Variants in FREM2 observed in about 807,000 individuals in gnomAD.
FREM2 encodes the protein FRAS1-related extracellular matrix protein 2.
In FREM2, 119 loss-of-function variants were observed where a neutral mutation model predicts 219.9. That is an observed-to-expected ratio of 0.54 (90% CI 0.47 to 0.63). FREM2 has a LOEUF of 0.63. Among genes scored for constraint, FREM2 ranks in the 30% least tolerant of loss-of-function variants. The pLI, the probability that FREM2 is intolerant of heterozygous loss-of-function variation, is 0.00. For synonymous variants in FREM2, 1,562 were observed against 1,522.8 expected, an observed-to-expected ratio of 1.03 and a Z score of -0.60; for missense variants, 4,030 against 3,993.6, an observed-to-expected ratio of 1.01 and a Z score of -0.25.
chr13:38,796,793 A>G (rs1432093868), intron 6 of FREM2, among the ~76,000 whole-genome samples: 1 of 152,084 alleles, frequency 6.6e-6, no homozygotes, highest in Admixed American at 6.6e-5. Flanking sequence ...TAGTGCTAGG[A>G]TTGCTGGATA....
intron 6 of FREM2, among the ~76,000 whole-genome samples, chr13:38,840,633 TA>T (rs1876916184): frequency 6.9e-6 from 1 of 145,918 alleles, no homozygotes; most frequent in Non-Finnish European, 1.5e-5. Context: ...AAAATATATA[TA>T]TATATATATA....
intron 6 of FREM2, among the ~76,000 whole-genome samples, chr13:38,838,416 G>T (rs1001840987): frequency 6.6e-6 from 1 of 152,236 alleles, no homozygotes; most frequent in African/African-American, 2.4e-5. Context: ...TTCAACCTTG[G>T]TGAATCTGAA....
intron 6 of FREM2, among the ~76,000 whole-genome samples, chr13:38,834,349 C>T (rs1340317102): frequency 6.6e-6 from 1 of 152,144 alleles, no homozygotes; most frequent in Non-Finnish European, 1.5e-5. Flanking sequence ...GACATGAACT[C>T]ATCCTTTTTA....
At chr13:38,821,204 C>T (rs1425655314) in intron 6 of FREM2, among the ~76,000 whole-genome samples, 1 of 152,066 alleles carries the variant, frequency 6.6e-6, no homozygotes, top group Admixed American at 6.6e-5. Context: ...GGCCTTCATC[C>T]TGTCTGACTG....
At position 38,691,507 on chromosome 13, in the gene FREM2, A is replaced by T; in HGVS notation, c.4163A>T (p.Glu1388Val). Residue 1388 changes from glutamate to valine, a missense_variant, in exon 1 of 24, where the codon GAG (glutamate) becomes GTG (valine). Around this residue, in one of 2 missense-constraint regions of FREM2, gnomAD observed 3,102 missense variants for 2,950.7 expected, o/e 1.05. Transcript: ENST00000280481. ...ATTCAGTATGTCCATTTGGGGCAAG[A>T]GGGCATTCGGGACCTAATTAAATTT... ...NLIQYVHLGQ[E>V]GIRDLIKFDV... 6.2e-7 allele frequency: 1 copy of T among 1,614,162 alleles called. No individual in the cohort carries two copies. The highest frequency in any genetic ancestry group is 8.5e-7 in the Non-Finnish European group (1 of 1,180,008).
At chr13:38,744,793 G>T (rs936477631) in intron 2 of FREM2, among the ~76,000 whole-genome samples, 1 of 152,164 alleles carries the variant, frequency 6.6e-6, no homozygotes, top group African/African-American at 2.4e-5. Flanking sequence ...CGCCCAGCCA[G>T]CTCCAATTAT....
intron 14 of FREM2, among the ~76,000 whole-genome samples, chr13:38,860,050 A>AT (rs954349366): frequency 1.3e-5 from 2 of 152,032 alleles, no homozygotes; most frequent in Admixed American, 1.3e-4. Flanking sequence ...AATGCGGGAT[A>AT]TTGTGGGAAT....
chr13:38,729,626 T>C (rs1258340433), intron 2 of FREM2, among the ~76,000 whole-genome samples: 1 of 152,184 alleles, frequency 6.6e-6, no homozygotes, highest in Non-Finnish European at 1.5e-5. Flanking sequence ...AGACATGATA[T>C]TCGTTTGTGA....
rs1398179287 is a variant in FREM2, at chr13:38,687,132, C to G, written c.-213C>G. On this transcript the variant is annotated 5_prime_UTR_variant, in exon 1 of 24. Coordinates refer to ENST00000280481, the MANE Select transcript of FREM2 (RefSeq NM_207361.6). ...TTGAGGCGCTAGCGGCGGAGCTGGA[C>G]GGCCTGGGAAGGCTTCGGCTCCTCG... The G allele has an allele frequency of 1.6e-6, 1 of 620,398 alleles. No individual in the cohort carries two copies. The highest frequency in any genetic ancestry group is 2.8e-6 in the Non-Finnish European group (1 of 356,636). The allele number at this position is 620,398 out of a possible 1,614,324, so 38.4% of individuals were successfully genotyped here. A position where few individuals can be genotyped will look rare whatever the true frequency, so the allele number is the denominator to read the frequency against.
At chr13:38,773,601 TG>T (rs1259288423) in intron 4 of FREM2, among the ~76,000 whole-genome samples, 1 of 152,086 alleles carries the variant, frequency 6.6e-6, no homozygotes, top group African/African-American at 2.4e-5. Flanking sequence ...TTTGATTGGT[TG>T]TTTTTTTTGT....
intron 16 of FREM2, among the ~76,000 whole-genome samples, chr13:38,872,150 C>T (rs1009131985): frequency 6.6e-6 from 1 of 152,132 alleles, no homozygotes; most frequent in Non-Finnish European, 1.5e-5. Flanking sequence ...CGTGCTCAAA[C>T]ATGGATGCAC....
chr13:38,712,677 A>AAC (rs147799705), intron 2 of FREM2, among the ~76,000 whole-genome samples: 8,693 of 115,376 alleles, frequency 0.075, 679 homozygotes, highest in African/African-American at 0.22. Flanking sequence ...CACACACACA[A>AAC]ACACACACAC....
intron 2 of FREM2, among the ~76,000 whole-genome samples, chr13:38,703,707 T>C (rs1351690970): frequency 6.6e-6 from 1 of 152,196 alleles, no homozygotes; most frequent in African/African-American, 2.4e-5. Flanking sequence ...CAATTTTATT[T>C]ATTATTATTC....
chr13:38,736,521 C>A (rs1357903421), intron 2 of FREM2, among the ~76,000 whole-genome samples: 2 of 152,120 alleles, frequency 1.3e-5, no homozygotes, highest in African/African-American at 4.8e-5. Context: ...CGGTTTACAA[C>A]AAAATGTTTC....
At chr13:38,797,460 TA>T (rs1566145782) in intron 6 of FREM2, among the ~76,000 whole-genome samples, 1 of 152,180 alleles carries the variant, frequency 6.6e-6, no homozygotes, top group Non-Finnish European at 1.5e-5. Flanking sequence ...TGTATTTTTT[TA>T]AAAAATTGCT....
chr13:38,728,198 T>C, intron 2 of FREM2, among the ~76,000 whole-genome samples: 1 of 152,100 alleles, frequency 6.6e-6, no homozygotes, highest in Non-Finnish European at 1.5e-5. Flanking sequence ...CTTTTTTTTT[T>C]CCTATCTAGT....
rs73466003 is a variant in FREM2, at chr13:38,852,770, T to C, written c.6925+902T>C. On this transcript the variant is annotated intron_variant, in intron 11 of 23. Transcript: ENST00000280481. ...GCCAGGCTAGCATGCAGTGGCGTAA[T>C]CACAGCTCACTGCAGTCTCCGTGTC... Among the ~76,000 whole-genome samples the C allele has an allele frequency of 1.1e-3, 164 of 149,674 alleles. 1 individual carries two copies. Among genetic ancestry groups the C allele is most frequent in the African/African-American group, 3.9e-3 (158 of 40,706 alleles).
chr13:38,808,863 A>G (rs1289388876), intron 6 of FREM2, among the ~76,000 whole-genome samples: 1 of 151,940 alleles, frequency 6.6e-6, no homozygotes, highest in Non-Finnish European at 1.5e-5. Flanking sequence ...TGCTTGCCAC[A>G]GGTCTTCAAT....
In FREM2 at chr13:38,688,238, G is replaced by T; in HGVS notation, c.894G>T (p.Leu298Phe). The part of the protein sequence containing the change: ...SRGAPVGSPA[L>F]KREHFQVLVR... ...GGGCTCCTGTGGGCAGCCCTGCTTT[G>T]AAACGCGAGCACTTCCAGGTTCTGG... is the stretch of plus-strand genomic sequence containing the variant. The change falls in exon 1 of 24, where the codon TTG (leucine) becomes TTT (phenylalanine). Residue 298 changes from leucine to phenylalanine, a missense_variant. Transcript: ENST00000280481. The T allele has an allele frequency of 6.2e-7, 1 of 1,613,848 alleles. No homozygotes were observed.
Sources: allele counts gnomAD v4.1 joint callset (sites outside exome capture counted in the v4.1 genomes callset), GRCh38; gene constraint gnomAD v4.1.1; regional missense constraint gnomAD v4.1.1; transcripts MANE v1.5; gene names NCBI Gene and HGNC (gene_info 2026-07-23, HGNC 2026-07-21).